The following PRORP variants were observed in gnomAD, a reference collection of about 807,000 sequenced individuals.
The protein encoded by PRORP is protein only RNase P catalytic subunit.
PRORP carries 51 observed loss-of-function variants against 59.4 expected under a neutral mutation model. The ratio of observed to expected loss-of-function variants is 0.86; its 90% CI spans 0.69 to 1.08. The LOEUF (loss-of-function observed/expected upper bound fraction) is 1.08. PRORP is among the 50% of genes least tolerant of loss of function. PRORP has a pLI of 0.00. For missense variants in PRORP, 646 were observed against 690.3 expected, an observed-to-expected ratio of 0.94 and a Z score of 0.72; for synonymous variants, 231 against 245.6, an observed-to-expected ratio of 0.94 and a Z score of 0.55.
At chr14:35,248,103 G>T (rs182128338) in intron 5 of PRORP, among the ~76,000 whole-genome samples, 1 of 151,130 alleles carries the variant, frequency 6.6e-6, no homozygotes, top group African/African-American at 2.4e-5. Context: ...AACTAAGGAC[G>T]AGAGGAGATA....
At chr14:35,150,604 T>C (rs1455909116) in intron 4 of PRORP, among the ~76,000 whole-genome samples, 1 of 152,236 alleles carries the variant, frequency 6.6e-6, no homozygotes, top group African/African-American at 2.4e-5. Flanking sequence ...TCTTTTTCTT[T>C]TATGTAACAC....
intron 5 of PRORP, chr14:35,263,154 C>A: frequency 1.4e-6 from 1 of 727,560 alleles, no homozygotes. Context: ...AATAAAAATA[C>A]ATAGGACAGA....
intron 4 of PRORP, among the ~76,000 whole-genome samples, chr14:35,145,241 G>C (rs2047576410): frequency 1.4e-5 from 2 of 144,574 alleles, no homozygotes; most frequent in Non-Finnish European, 3.1e-5. Context: ...CCAAAGGGCT[G>C]GGATTACAGG....
rs1182200888 is a variant in PRORP at position 35,144,414 on chromosome 14, T to G, written c.1167+16803T>G. ...CCTTTCAACACTGCCTTGCTGGCCT[T>G]AAAAGCCTTAGCTTTGGATTTGGCT... On this transcript the variant is annotated intron_variant, in intron 4 of 7. Transcript: ENST00000534898. The G allele has an allele frequency of 1.4e-5, 2 of 146,326 alleles. 1 individual carries two copies. Among genetic ancestry groups the G allele is most frequent in the Admixed American group, 1.4e-4 (2 of 14,120 alleles). 9.1% of individuals were successfully genotyped at this position (146,326 alleles called of 1,614,324 possible).
chr14:35,262,634 A>G (rs2050935224), intron 5 of PRORP: 6 of 748,980 alleles, frequency 8.0e-6, no homozygotes, highest in Non-Finnish European at 1.2e-5. Flanking sequence ...AGGTTGATAA[A>G]TGGTGGGGAA....
intron 4 of PRORP, among the ~76,000 whole-genome samples, chr14:35,165,625 G>A (rs754052602): frequency 2.4e-5 from 3 of 126,192 alleles, no homozygotes; most frequent in Non-Finnish European, 5.0e-5. Flanking sequence ...GTGAGGAGAC[G>A]ATTAGGTGAT....
intron 5 of PRORP, among the ~76,000 whole-genome samples, chr14:35,205,166 T>TA (rs1288658546): frequency 2.6e-5 from 4 of 152,074 alleles, no homozygotes; most frequent in Non-Finnish European, 5.9e-5. Context: ...CTCTATTTTT[T>TA]AAAAAAATAT....
At chr14:35,162,755 C>G (rs1379688822) in intron 4 of PRORP, among the ~76,000 whole-genome samples, 1 of 151,954 alleles carries the variant, frequency 6.6e-6, no homozygotes, top group African/African-American at 2.4e-5. Context: ...TCCTTTTGCT[C>G]CCTTCACTTT....
chr14:35,204,420 T>C (rs1408350714), intron 5 of PRORP, among the ~76,000 whole-genome samples: 2 of 152,254 alleles, frequency 1.3e-5, no homozygotes, highest in East Asian at 3.8e-4. Flanking sequence ...ATGATTTTAA[T>C]GTATACATTT....
intron 5 of PRORP, among the ~76,000 whole-genome samples, chr14:35,253,390 A>G (rs185671998): frequency 4.0e-5 from 5 of 124,516 alleles, no homozygotes; most frequent in Middle Eastern, 4.4e-3. Context: ...AAGAAAGAAA[A>G]AGAAAGAAAG....
Position 35,263,234 on chromosome 14 carries a change from A to G in PRORP, c.1276-3493A>G, listed in dbSNP as rs111474148. Among the ~76,000 whole-genome samples, 6 of 152,356 alleles carry G rather than the reference A, an allele frequency of 3.9e-5. 1 individual carries two copies. Among genetic ancestry groups the G allele is most frequent in the African/African-American group, 1.4e-4 (6 of 41,576 alleles). ...GAGTCATTTGTTCTTTCATTTTTCA[A>G]GTTTTCAAATATGAGCTACTTTATG... is the stretch of plus-strand genomic sequence containing the variant. On this transcript the variant is annotated intron_variant, in intron 5 of 7. Coordinates refer to ENST00000534898, the MANE Select transcript of PRORP (RefSeq NM_014672.4).
At chr14:35,236,118 A>G (rs961094366) in intron 5 of PRORP, among the ~76,000 whole-genome samples, 2 of 148,508 alleles carry the variant, frequency 1.3e-5, no homozygotes, top group Non-Finnish European at 3.0e-5. Context: ...AAAAAAAAAA[A>G]GCATAAGGAA....
chr14:35,184,948 T>A (rs1211900915), intron 5 of PRORP, among the ~76,000 whole-genome samples: 1 of 152,192 alleles, frequency 6.6e-6, no homozygotes, highest in African/African-American at 2.4e-5. Flanking sequence ...GTTGATTCCA[T>A]GTCTTTGCTA....
At chr14:35,125,351 ACTGGGTACATAC>A (rs2047072147) in intron 2 of PRORP, among the ~76,000 whole-genome samples, 1 of 151,930 alleles carries the variant, frequency 6.6e-6, no homozygotes, top group African/African-American at 2.4e-5. Context: ...TATTCATGTT[ACTGGGTACATAC>A]CTGTTTATTG....
intron 4 of PRORP, among the ~76,000 whole-genome samples, chr14:35,134,592 G>T (rs1275516766): frequency 6.6e-6 from 1 of 152,086 alleles, no homozygotes; most frequent in Non-Finnish European, 1.5e-5. Flanking sequence ...AGGAGCTAGG[G>T]CCTAGAAAAG....
intron 4 of PRORP, among the ~76,000 whole-genome samples, chr14:35,167,215 C>G (rs2048206385): frequency 6.6e-6 from 1 of 152,170 alleles, no homozygotes; most frequent in African/African-American, 2.4e-5. Flanking sequence ...TAGAAGAAAA[C>G]AGCTAACGGA....
intron 4 of PRORP, among the ~76,000 whole-genome samples, chr14:35,176,395 T>C (rs1223183660): frequency 6.6e-6 from 1 of 152,196 alleles, no homozygotes; most frequent in African/African-American, 2.4e-5. Flanking sequence ...CTTCCATTTG[T>C]TTGTGTCCTT....
chr14:35,209,164 ACT>A (rs1184824836), intron 5 of PRORP, among the ~76,000 whole-genome samples: 1 of 136,502 alleles, frequency 7.3e-6, no homozygotes, highest in East Asian at 2.3e-4. Flanking sequence ...ACAGAGTGAG[ACT>A]CTGCCTCAAA....
intron 4 of PRORP, among the ~76,000 whole-genome samples, chr14:35,135,109 C>G (rs940258089): frequency 1.3e-5 from 2 of 152,346 alleles, no homozygotes; most frequent in Non-Finnish European, 2.9e-5. Context: ...TGCACTCTCC[C>G]TCTCCCAAAC....
Sources: gnomAD v4.1 joint callset for allele counts (sites outside exome capture counted in the v4.1 genomes callset) on GRCh38, gnomAD v4.1.1 for gene constraint, MANE v1.5 for transcripts, NCBI Gene and HGNC (gene_info 2026-07-23, HGNC 2026-07-21) for gene names.